The following EFR3A variants were observed in gnomAD, a reference collection of about 807,000 sequenced individuals.
The protein encoded by EFR3A is EFR3 homolog A, also known as protein EFR3 homolog A.
EFR3A carries 76 observed loss-of-function variants against 104.4 expected under a neutral mutation model. The ratio of observed to expected loss-of-function variants is 0.73; its 90% CI spans 0.60 to 0.88. The LOEUF is 0.88. Among genes scored for constraint, EFR3A ranks in the 40% least tolerant of loss-of-function variants. EFR3A has a pLI of 0.00. For synonymous variants in EFR3A, 330 were observed against 330.0 expected, an observed-to-expected ratio of 1.00 and a Z score of 0.00; for missense variants, 985 against 1,012.5, an observed-to-expected ratio of 0.97 and a Z score of 0.37.
chr8:131,919,561 AC>A (rs984820821), intron 1 of EFR3A, among the ~76,000 whole-genome samples: 23 of 146,296 alleles, frequency 1.6e-4, no homozygotes, highest in Non-Finnish European at 2.2e-4. Flanking sequence ...GCGCCACTGC[AC>A]TCCAGCCTGG....
chr8:131,954,003 C>G (rs932674593), intron 6 of EFR3A, 36 bp downstream of exon 6: 2 of 1,473,938 alleles, frequency 1.4e-6, no homozygotes, highest in South Asian at 2.7e-5. Flanking sequence ...GACAGTGTTA[C>G]TTTTATATAT....
rs1475477820 is a variant in EFR3A at position 132,012,952 on chromosome 8, T to G, written c.*2057T>G. ...GTTTTGTTGGGGTTTTTGTTACTGT[T>G]TTTAAATTACAGTAGGCTTCTATAT... On this transcript the variant is annotated 3_prime_UTR_variant, in exon 23 of 23. Transcript: ENST00000254624. 2 of 152,156 alleles carry G rather than the reference T, an allele frequency of 1.3e-5. No individual in the cohort carries two copies. Among genetic ancestry groups the G allele is most frequent in the Non-Finnish European group, 2.9e-5 (2 of 68,038 alleles). 9.4% of individuals were successfully genotyped at this position (152,156 alleles called of 1,614,324 possible). A position where few individuals can be genotyped will look rare whatever the true frequency, so the allele number is the denominator to read the frequency against.
At chr8:131,935,863 G>A (rs536044812) in intron 1 of EFR3A, among the ~76,000 whole-genome samples, 2 of 151,772 alleles carry the variant, frequency 1.3e-5, no homozygotes, top group African/African-American at 4.8e-5. Context: ...TTTTTAAAGG[G>A]GTCTTTTTTT....
chr8:131,916,872 G>A (rs1455490606), intron 1 of EFR3A, among the ~76,000 whole-genome samples: 1 of 152,082 alleles, frequency 6.6e-6, no homozygotes, highest in African/African-American at 2.4e-5. Flanking sequence ...TAAGCTTTAG[G>A]ACTTAAGAAC....
At chr8:131,954,997 G>T (rs1818907293) in intron 6 of EFR3A, among the ~76,000 whole-genome samples, 1 of 152,030 alleles carries the variant, frequency 6.6e-6, no homozygotes, top group African/African-American at 2.4e-5. Flanking sequence ...TGTGAAACTT[G>T]ATGTATTTTA....
intron 22 of EFR3A, among the ~76,000 whole-genome samples, chr8:132,008,789 T>A (rs1822167262): frequency 8.0e-6 from 1 of 125,572 alleles, no homozygotes; most frequent in Non-Finnish European, 1.6e-5. Context: ...GAGGTTACAG[T>A]GAGCCAAGAT....
Position 132,011,951 on chromosome 8 carries a change from A to C in EFR3A, c.*1056A>C, listed in dbSNP as rs1431416316. 1.3e-5 allele frequency: 2 copies of C among 152,162 alleles called. No homozygotes were observed. Among genetic ancestry groups the C allele is most frequent in the Non-Finnish European group, 2.9e-5 (2 of 68,026 alleles). The allele number at this position is 152,162 out of a possible 1,614,324, so 9.4% of individuals were successfully genotyped here. On this transcript the variant is annotated 3_prime_UTR_variant, in exon 23 of 23. Coordinates refer to ENST00000254624, the MANE Select transcript of EFR3A (RefSeq NM_015137.6). ...TGTGTTTTAACAGTCAAGTGTGCTA[A>C]AGTTTGTCAATTTAAGCTGCTTTTG...
chr8:131,974,218 T>A (rs537787808), intron 10 of EFR3A, among the ~76,000 whole-genome samples: 16 of 152,316 alleles, frequency 1.1e-4, no homozygotes, highest in Admixed American at 3.9e-4. Flanking sequence ...AATTATAATA[T>A]GCAGCAAAGC....
intron 8 of EFR3A, among the ~76,000 whole-genome samples, chr8:131,963,757 A>C (rs1178855664): frequency 6.6e-6 from 1 of 152,186 alleles, no homozygotes; most frequent in African/African-American, 2.4e-5. Context: ...AGCCTGGCAG[A>C]GACACATCAA....
chr8:131,923,839 G>A (rs1817172467), intron 1 of EFR3A, among the ~76,000 whole-genome samples: 1 of 152,082 alleles, frequency 6.6e-6, no homozygotes, highest in South Asian at 2.1e-4. Flanking sequence ...AGGAAGCAGT[G>A]TCCTTTGGCT....
chr8:131,959,444 T>C (rs3750270), intron 7 of EFR3A, 141 bp from the exon 8 acceptor site: 118,001 of 636,600 alleles, frequency 0.19, 12,576 homozygotes, highest in East Asian at 0.37. Context: ...TTCATGAAGT[T>C]CATTACTTAA....
At chr8:131,922,926 C>G (rs1817120342) in intron 1 of EFR3A, among the ~76,000 whole-genome samples, 1 of 152,038 alleles carries the variant, frequency 6.6e-6, no homozygotes, top group Admixed American at 6.6e-5. Context: ...TCTCCAGGAA[C>G]TTTTTTGTAA....
intron 13 of EFR3A, 83 bp from the exon 14 acceptor site, chr8:131,979,263 G>A (rs1820479084): frequency 2.6e-6 from 3 of 1,170,258 alleles, no homozygotes; most frequent in African/African-American, 3.1e-5. Flanking sequence ...AAACTCCTAA[G>A]TATAAATACA....
At chr8:131,971,762 C>T (rs1410724334) in intron 10 of EFR3A, among the ~76,000 whole-genome samples, 2 of 151,986 alleles carry the variant, frequency 1.3e-5, no homozygotes, top group African/African-American at 4.8e-5. Context: ...CTCAGATTAG[C>T]ACATCCAGAG....
chr8:132,000,496 AG>A (rs1339356389), intron 19 of EFR3A, among the ~76,000 whole-genome samples: 1 of 152,170 alleles, frequency 6.6e-6, no homozygotes, highest in African/African-American at 2.4e-5. Context: ...AGGGACAAAA[AG>A]TGAAGAGTTA....
intron 11 of EFR3A, among the ~76,000 whole-genome samples, 185 bp downstream of exon 11, chr8:131,976,326 G>C (rs1469603836): frequency 6.6e-6 from 1 of 152,054 alleles, no homozygotes; most frequent in African/African-American, 2.4e-5. Flanking sequence ...TAGGCCTTTA[G>C]AATCATTTTC....
At chr8:131,987,319 A>C (rs756934068) in intron 17 of EFR3A, among the ~76,000 whole-genome samples, 7 of 152,166 alleles carry the variant, frequency 4.6e-5, no homozygotes, top group Non-Finnish European at 1.0e-4. Flanking sequence ...ACAGAGTAAT[A>C]CAAGGCTGAA....
At chr8:131,982,921 G>A (rs1820687058) in intron 14 of EFR3A, among the ~76,000 whole-genome samples, 1 of 152,054 alleles carries the variant, frequency 6.6e-6, no homozygotes, top group Admixed American at 6.6e-5. Flanking sequence ...GAATCTGGTG[G>A]GTAGCTTTAT....
At chr8:131,959,531 A>G in intron 7 of EFR3A, 54 bp from the exon 8 acceptor site, 1 of 1,442,108 alleles carries the variant, frequency 6.9e-7, no homozygotes, top group Non-Finnish European at 9.6e-7. Flanking sequence ...AGGTTTCTAG[A>G]GGAAGAAAGT....
Sources: gnomAD v4.1 joint callset for allele counts (sites outside exome capture counted in the v4.1 genomes callset) on GRCh38, gnomAD v4.1.1 for gene constraint, MANE v1.5 for transcripts, NCBI Gene and HGNC (gene_info 2026-07-23, HGNC 2026-07-21) for gene names.